Variants in MCFD2 observed in about 807,000 individuals in gnomAD.
MCFD2 encodes the protein multiple coagulation factor deficiency 2, ER cargo receptor complex subunit, also known as multiple coagulation factor deficiency protein 2.
In MCFD2, 11 loss-of-function variants were observed where a neutral mutation model predicts 12.8. The observed-to-expected ratio is 0.86, with a 90% CI of 0.54 to 1.42. The LOEUF is 1.42. MCFD2 is among the 40% of genes most tolerant of loss of function. The probability of loss-of-function intolerance (pLI) is 0.00; values close to 1 mark genes in which losing one functional copy is unlikely to be tolerated. For synonymous variants in MCFD2, 70 were observed against 68.1 expected (o/e 1.03, Z -0.14); for missense variants, 191 against 178.6 (o/e 1.07, Z -0.40).
chr2:46,941,750 G>C lies in MCFD2; in HGVS notation c.-186C>G. The C allele has an allele frequency of 6.5e-7, 1 of 1,547,224 alleles. No homozygotes were observed. Among genetic ancestry groups the C allele is most frequent in the Non-Finnish European group, 8.7e-7 (1 of 1,145,676 alleles). On this transcript the variant is annotated 5_prime_UTR_variant, in exon 1 of 3. Transcript: ENST00000409147. The surrounding 1 kb of genome is among the most constrained non-coding windows in gnomAD (Gnocchi z 4.2). ...GGTGAGTAAGGGAAGAGGCTGGCTC[G>C]CCGGCAGCGAGCGCGCGAAACGCAC...
At chr2:46,911,364 G>A (rs1025119906) in intron 1 of MCFD2, among the ~76,000 whole-genome samples, 17 of 151,194 alleles carry the variant, frequency 1.1e-4, no homozygotes, top group African/African-American at 3.9e-4. Flanking sequence ...CAGACCTCAG[G>A]TGATCCACCC....
intron 1 of MCFD2, among the ~76,000 whole-genome samples, chr2:46,926,218 G>C (rs182904736): frequency 6.6e-6 from 1 of 152,214 alleles, no homozygotes; most frequent in South Asian, 2.1e-4. Context: ...TCTCCTCAGA[G>C]TGGAGCAGTG....
intron 1 of MCFD2, among the ~76,000 whole-genome samples, chr2:46,911,423 C>T (rs1476027516): frequency 2.7e-5 from 4 of 150,314 alleles, no homozygotes; most frequent in Admixed American, 6.6e-5. Flanking sequence ...CCACCGTGCC[C>T]GGCCACCTCA....
intron 1 of MCFD2, among the ~76,000 whole-genome samples, chr2:46,935,776 A>G (rs887046477): frequency 6.6e-6 from 1 of 152,008 alleles, no homozygotes. Context: ...CTTGTATTGG[A>G]CCCAAGCTCC....
In MCFD2 at chr2:46,905,381, G is replaced by A. The variant is rs528839446; in HGVS notation, c.*82C>T. On this transcript the variant is annotated 3_prime_UTR_variant, in exon 4 of 4. Transcript: ENST00000319466. ...AAATGCTGCAGCAGTAGTTGGAAATGAGTTATTTTGCATTACTAAAGTGTT... is the reference window on the plus strand; with the variant it reads ...AAATGCTGCAGCAGTAGTTGGAAATAAGTTATTTTGCATTACTAAAGTGTT... 5 of 1,490,314 alleles carry A rather than the reference G, an allele frequency of 3.4e-6. No individual in the cohort carries two copies. The highest frequency in any genetic ancestry group is 4.7e-6 in the Non-Finnish European group (5 of 1,070,494). 92.3% of individuals were successfully genotyped at this position (1,490,314 alleles called of 1,614,324 possible). A position where few individuals can be genotyped will look rare whatever the true frequency, so the allele number is the denominator to read the frequency against.
intron 1 of MCFD2, among the ~76,000 whole-genome samples, chr2:46,913,377 C>T (rs1369134096): frequency 6.6e-6 from 1 of 151,734 alleles, no homozygotes; most frequent in East Asian, 1.9e-4. Flanking sequence ...GTGAGACTCC[C>T]TCTCTAATTA....
chr2:46,914,452 A>T (rs1197890533), intron 1 of MCFD2, among the ~76,000 whole-genome samples: 1 of 152,134 alleles, frequency 6.6e-6, no homozygotes, highest in Non-Finnish European at 1.5e-5. Flanking sequence ...CAAGAAAATA[A>T]CCAACTTCCT....
Position 46,907,113 on chromosome 2 carries a change from C to T in MCFD2, c.309+697G>A, listed in dbSNP as rs1226414736. The T allele has an allele frequency of 6.4e-6, 1 of 156,246 alleles. No homozygotes were observed. Among genetic ancestry groups the T allele is most frequent in the African/African-American group, 2.4e-5 (1 of 41,484 alleles). The allele number at this position is 156,246 out of a possible 1,614,324, so 9.7% of individuals were successfully genotyped here. On this transcript the variant is annotated intron_variant, in intron 3 of 3. Transcript: ENST00000319466. This position sits in a 1 kb window ranked among gnomAD's most constrained non-coding sequence, Gnocchi z 4.1. ...CTTTGGAGCACCATACAGTATCACA[C>T]AAGCCCTCAATTACTGCCACGTCCC...
chr2:46,939,684 C>T (rs1670170150), intron 1 of MCFD2, among the ~76,000 whole-genome samples: 1 of 152,180 alleles, frequency 6.6e-6, no homozygotes, highest in African/African-American at 2.4e-5. Flanking sequence ...CTCCCTGCCC[C>T]AGGGCTGACT....
chr2:46,935,050 C>T (rs1331179793), intron 1 of MCFD2, among the ~76,000 whole-genome samples: 3 of 151,988 alleles, frequency 2.0e-5, no homozygotes, highest in African/African-American at 4.8e-5. Context: ...CCACCCACCT[C>T]GGCCTCCCAA....
chr2:46,924,913 C>T (rs1171806676), intron 1 of MCFD2, among the ~76,000 whole-genome samples: 8 of 152,228 alleles, frequency 5.3e-5, no homozygotes, highest in Non-Finnish European at 8.8e-5. Context: ...GAGCGTGAGC[C>T]AGCCTGCCAC....
rs748338168 is a variant in MCFD2 at position 46,909,084 on chromosome 2, C to T, written c.88G>A (p.Ala30Thr). Residue 30 changes from alanine (A) to threonine (T), a missense_variant, in exon 2 of 4, where the codon GCA (alanine) becomes ACA (threonine). Physicochemically the swap from Ala to Thr is moderately conservative, Grantham distance 58. Coordinates refer to ENST00000319466, the MANE Select transcript of MCFD2 (RefSeq NM_139279.6). Reference protein sequence around the residue: ...CAPGARAEEPAASFSQPGSMG... With the variant: ...CAPGARAEEPTASFSQPGSMG... ...CTGCCGGGTTGGGAGAAGCTGGCTG[C>T]AGGCTCCTCAGCCCTGGCGCCTGGG... The T allele has an allele frequency of 1.9e-6, 3 of 1,614,220 alleles. No homozygotes were observed. Among genetic ancestry groups the T allele is most frequent in the South Asian group, 2.2e-5 (2 of 91,080 alleles).
Position 46,934,797 on chromosome 2 carries a change from T to C in MCFD2, c.-8+6775A>G, listed in dbSNP as rs1329917563. Among the ~76,000 whole-genome samples the C allele has an allele frequency of 5.4e-4, 62 of 115,496 alleles. 1 individual carries two copies. The highest frequency in any genetic ancestry group is 2.0e-3 in the African/African-American group (57 of 28,782). 75.8% of individuals were successfully genotyped at this position (115,496 alleles called of 152,430 possible). ...ATGAAGACTACTGCTCTTTTTTTTT[T>C]TTTTTTTTTTTTTTTTTTTTTTGAG... On this transcript the variant is annotated intron_variant, in intron 1 of 2. Coordinates refer to the MCFD2 transcript ENST00000409147.
chr2:46,940,785 A>G lies in MCFD2; in HGVS notation c.-8+787T>C, dbSNP rs1670263859. 1.3e-5 allele frequency among the ~76,000 whole-genome samples: 2 copies of G among 152,168 alleles called. No homozygotes were observed. Among genetic ancestry groups the G allele is most frequent in the South Asian group, 4.1e-4 (2 of 4,832 alleles). ...CGCGAGCATGCCTGGCCCGCATCGC[A>G]ACAGGGCGGGGCGGACAGCGGCAGG... is the stretch of plus-strand genomic sequence containing the variant. On this transcript the variant is annotated intron_variant, in intron 1 of 2. Coordinates refer to the MCFD2 transcript ENST00000409147. This position sits in a 1 kb window ranked among gnomAD's most constrained non-coding sequence, Gnocchi z 4.7.
rs1318569244 is a variant in MCFD2 at position 46,910,879 on chromosome 2, A to AAAAAT, written c.-6-1707_-6-1703dup. On this transcript the variant is annotated intron_variant, in intron 1 of 3. Transcript: ENST00000319466. The stretch of plus-strand genomic sequence containing the variant: ...ACACAGTCAGACCCCCATCTCTACA[A>AAAAAT]AAAATAAAAAATTAGCTGAGCGTAG... 2.0e-5 allele frequency: 3 copies of AAAAAT among 152,306 alleles called. No homozygotes were observed. In the East Asian group the frequency reaches 5.8e-4, roughly 29 times the overall value. 9.4% of individuals were successfully genotyped at this position (152,306 alleles called of 1,614,324 possible). A position where few individuals can be genotyped will look rare whatever the true frequency, so the allele number is the denominator to read the frequency against.
At chr2:46,916,118 G>T, upstream of MCFD2, 1 of 985,592 alleles carries the variant, frequency 1.0e-6, no homozygotes, top group Non-Finnish European at 1.2e-6. Context: ...GATCCGGATG[G>T]GGCGGACCCC....
At chr2:46,915,861 C>A, upstream of MCFD2, 1 of 981,692 alleles carries the variant, frequency 1.0e-6, no homozygotes, top group Non-Finnish European at 1.2e-6. Flanking sequence ...CCCTGCCGCC[C>A]GCCCATTGGC....
At chr2:46,934,185 C>G (rs988571818) in intron 1 of MCFD2, among the ~76,000 whole-genome samples, 1 of 152,318 alleles carries the variant, frequency 6.6e-6, no homozygotes, top group Non-Finnish European at 1.5e-5. Context: ...GAAACTCTTA[C>G]CCAGGATGAT....
chr2:46,911,168 G>C (rs549992563), intron 1 of MCFD2, among the ~76,000 whole-genome samples: 1 of 151,540 alleles, frequency 6.6e-6, no homozygotes, highest in Non-Finnish European at 1.5e-5. Context: ...TTGTTCTTTC[G>C]CCAGGCTGGA....
Sources: allele counts gnomAD v4.1 joint callset (sites outside exome capture counted in the v4.1 genomes callset), GRCh38; gene constraint gnomAD v4.1.1; non-coding constraint Gnocchi (gnomAD v3.1); transcripts MANE v1.5; gene names NCBI Gene and HGNC (gene_info 2026-07-23, HGNC 2026-07-21).